Variants in CCNJL observed in about 807,000 individuals in gnomAD.
CCNJL encodes cyclin-J-like protein.
In CCNJL, 33 loss-of-function variants were observed where a neutral mutation model predicts 33.4. The ratio of observed to expected loss-of-function variants is 0.99; its 90% CI spans 0.75 to 1.32. The LOEUF is 1.32. Among genes scored for constraint, CCNJL ranks in the 40% most tolerant of loss-of-function variants. CCNJL has a pLI of 0.00. For missense variants in CCNJL, 512 were observed against 499.7 expected, an observed-to-expected ratio of 1.02 and a Z score of -0.23; for synonymous variants, 227 against 220.9, an observed-to-expected ratio of 1.03 and a Z score of -0.24.
At chr5:160,265,379 T>A (rs1018228460) in intron 3 of CCNJL, among the ~76,000 whole-genome samples, 10 of 152,194 alleles carry the variant, frequency 6.6e-5, no homozygotes, top group Non-Finnish European at 1.0e-4. Flanking sequence ...GGCTCACGCC[T>A]GTAATCCCAG....
intron 2 of CCNJL, among the ~76,000 whole-genome samples, chr5:160,283,440 C>T (rs1762307078): frequency 6.6e-6 from 1 of 152,102 alleles, no homozygotes; most frequent in Admixed American, 6.5e-5. Context: ...TTGTATAGCT[C>T]TGTGAATACA....
At chr5:160,267,160 G>A (rs908346808) in intron 3 of CCNJL, among the ~76,000 whole-genome samples, 21 of 152,142 alleles carry the variant, frequency 1.4e-4, no homozygotes, top group African/African-American at 3.9e-4. Context: ...GAGGCCCAAC[G>A]CACAGCAGGC....
intron 3 of CCNJL, chr5:160,269,452 T>TC (rs1236330151): frequency 4.4e-6 from 2 of 456,306 alleles, no homozygotes; most frequent in Admixed American, 2.4e-5. Context: ...GAAAGCTCAC[T>TC]CCTAACTCAC....
chr5:160,267,730 T>C (rs1469707079), intron 3 of CCNJL, among the ~76,000 whole-genome samples: 1 of 152,186 alleles, frequency 6.6e-6, no homozygotes, highest in African/African-American at 2.4e-5. Flanking sequence ...TTTTTAAAAA[T>C]TGTTTACTTG....
In CCNJL at chr5:160,329,485, G is replaced by A. The variant is rs1282229064; in HGVS notation, n.206+9960C>T. On this transcript the variant is annotated intron_variant and non_coding_transcript_variant, in intron 1 of 7. Transcript: ENST00000377503. Reference sequence around the variant, plus strand: ...CCCGCCTCAGACTCCAGAGTAGCTGGCACTACAGGCGCCCACCACCACGCC... The same window carrying A: ...CCCGCCTCAGACTCCAGAGTAGCTGACACTACAGGCGCCCACCACCACGCC... 2.0e-5 allele frequency among the ~76,000 whole-genome samples: 3 copies of A among 151,950 alleles called. No individual in the cohort carries two copies. The East Asian group carries it at 5.8e-4, about 29-fold the overall frequency.
At chr5:160,307,462 C>T (rs557727918) in intron 2 of CCNJL, among the ~76,000 whole-genome samples, 2 of 152,272 alleles carry the variant, frequency 1.3e-5, no homozygotes, top group African/African-American at 4.8e-5. Context: ...CAGCACTCAC[C>T]AAAATCTGTT....
intron 1 of CCNJL, among the ~76,000 whole-genome samples, chr5:160,318,555 A>G (rs574528443): frequency 4.6e-5 from 7 of 152,380 alleles, no homozygotes; most frequent in Non-Finnish European, 1.0e-4. Flanking sequence ...ATGCTTTCTT[A>G]GGGGTGTTGT....
intron 2 of CCNJL, among the ~76,000 whole-genome samples, chr5:160,300,820 C>T (rs955880031): frequency 5.9e-5 from 9 of 152,130 alleles, no homozygotes; most frequent in Non-Finnish European, 1.2e-4. Context: ...CCACCATGCC[C>T]GGCTCCTGCT....
chr5:160,285,784 C>T (rs1429170247), intron 2 of CCNJL, among the ~76,000 whole-genome samples: 1 of 152,196 alleles, frequency 6.6e-6, no homozygotes, highest in African/African-American at 2.4e-5. Flanking sequence ...AACTGCCTTG[C>T]CCTACTCTGA....
intron 3 of CCNJL, among the ~76,000 whole-genome samples, chr5:160,271,622 T>C (rs1761836978): frequency 6.6e-6 from 1 of 152,248 alleles, no homozygotes; most frequent in African/African-American, 2.4e-5. Flanking sequence ...TGCCCAGATT[T>C]GCTCAGCATG....
At chr5:160,299,377 C>T (rs1364335876) in intron 2 of CCNJL, among the ~76,000 whole-genome samples, 4 of 151,956 alleles carry the variant, frequency 2.6e-5, no homozygotes, top group African/African-American at 9.7e-5. Flanking sequence ...GTCTCGAATT[C>T]CTGACCTCAG....
chr5:160,272,101 A>ATG (rs1273446037), intron 3 of CCNJL, among the ~76,000 whole-genome samples: 7 of 152,198 alleles, frequency 4.6e-5, no homozygotes, highest in African/African-American at 1.7e-4. Flanking sequence ...GGGAGAGCTG[A>ATG]TGTATTTAAC....
chr5:160,329,050 C>A (rs2113480120), intron 1 of CCNJL, among the ~76,000 whole-genome samples: 1 of 152,274 alleles, frequency 6.6e-6, no homozygotes, highest in Non-Finnish European at 1.5e-5. Flanking sequence ...CTCACTGGAA[C>A]CCATGCCTTG....
chr5:160,331,984 C>T (rs1024979157), intron 1 of CCNJL, among the ~76,000 whole-genome samples: 2 of 152,146 alleles, frequency 1.3e-5, no homozygotes, highest in African/African-American at 4.8e-5. Flanking sequence ...CTACTTTAAC[C>T]AAGCCTCTGG....
intron 1 of CCNJL, among the ~76,000 whole-genome samples, chr5:160,330,899 C>T (rs1289660615): frequency 2.6e-5 from 4 of 152,148 alleles, no homozygotes; most frequent in African/African-American, 7.2e-5. Context: ...CTGATCTGCC[C>T]ACCTTGGCCT....
intron 1 of CCNJL, among the ~76,000 whole-genome samples, chr5:160,335,607 G>C (rs1355029096): frequency 6.6e-6 from 1 of 151,924 alleles, no homozygotes; most frequent in Non-Finnish European, 1.5e-5. Flanking sequence ...TGGGGTCTCT[G>C]TTGCCCAAGC....
chr5:160,316,251 C>A (rs541209829), upstream of CCNJL, among the ~76,000 whole-genome samples: 6 of 152,232 alleles, frequency 3.9e-5, no homozygotes, highest in African/African-American at 1.2e-4. Flanking sequence ...CACCCCCAAC[C>A]AAGACAAGAA....
In CCNJL at chr5:160,285,139, G is replaced by A. The variant is rs61575776; in HGVS notation, c.67-4401C>T. Among the ~76,000 whole-genome samples, 982 of 152,250 alleles carry A rather than the reference G, an allele frequency of 6.4e-3. 8 individuals carry two copies. Among genetic ancestry groups the A allele is most frequent in the African/African-American group, 0.022 (906 of 41,534 alleles). ...TGGTAGGTGGAGGTTGCAGTGAGCTGAGATCGCACCACTGCACTCTAGCTT... is the reference window on the plus strand; with the variant it reads ...TGGTAGGTGGAGGTTGCAGTGAGCTAAGATCGCACCACTGCACTCTAGCTT... On this transcript the variant is annotated intron_variant, in intron 2 of 5. Coordinates refer to ENST00000257536, the MANE Select transcript of CCNJL (RefSeq NM_001308173.3).
chr5:160,282,778 GGTT>G (rs1056046548), intron 2 of CCNJL, among the ~76,000 whole-genome samples: 105 of 151,244 alleles, frequency 6.9e-4, no homozygotes, highest in African/African-American at 2.5e-3. Context: ...TCATTAGAAT[GGTT>G]GTTGTAAAAA....
Sources: allele counts gnomAD v4.1 joint callset (sites outside exome capture counted in the v4.1 genomes callset), GRCh38; gene constraint gnomAD v4.1.1; transcripts MANE v1.5; gene names NCBI Gene and HGNC (gene_info 2026-07-23, HGNC 2026-07-21).